The following HIVEP3 variants were observed in gnomAD, a reference collection of about 807,000 sequenced individuals.
The protein encoded by HIVEP3 is transcription factor HIVEP3.
HIVEP3 carries 49 observed loss-of-function variants against 152.8 expected under a neutral mutation model. That is an observed-to-expected ratio of 0.32 (90% CI 0.26 to 0.41). The LOEUF (loss-of-function observed/expected upper bound fraction) is 0.41. Ranked by LOEUF, HIVEP3 falls within the 10% of genes least tolerant of loss-of-function variation. The probability of loss-of-function intolerance (pLI) is 1.00; values close to 1 mark genes in which losing one functional copy is unlikely to be tolerated. For missense variants in HIVEP3, 2,790 were observed against 3,103.3 expected (o/e 0.90, Z 2.40); for synonymous variants, 1,269 against 1,289.0 (o/e 0.98, Z 0.33).
At chr1:42,032,106 G>A (rs528560691) in intron 1 of HIVEP3, among the ~76,000 whole-genome samples, 4 of 152,148 alleles carry the variant, frequency 2.6e-5, no homozygotes, top group Non-Finnish European at 5.9e-5. Flanking sequence ...TCCCCTAAAA[G>A]GACATCTCCC....
rs1030729447 is a variant in HIVEP3 at position 41,653,979 on chromosome 1, A to C, written c.-720-25032T>G. 1.3e-5 allele frequency among the ~76,000 whole-genome samples: 2 copies of C among 150,566 alleles called. 1 individual carries two copies. The highest frequency in any genetic ancestry group is 4.9e-5 in the African/African-American group (2 of 41,096). ...AAAAAAAAAAAAAAAAAAAAAAAAA[A>C]AAACCAGATTACCTTTAAAGGCCTT... On this transcript the variant is annotated intron_variant, in intron 2 of 8. Coordinates refer to ENST00000372583, the MANE Select transcript of HIVEP3 (RefSeq NM_024503.5).
chr1:41,823,810 T>C (rs1027974834), intron 1 of HIVEP3, among the ~76,000 whole-genome samples: 3 of 152,080 alleles, frequency 2.0e-5, no homozygotes, highest in Admixed American at 1.3e-4. Flanking sequence ...TCACTGGGGG[T>C]ACACACAGCT....
At chr1:41,832,441 G>A (rs1024927252) in intron 1 of HIVEP3, among the ~76,000 whole-genome samples, 3 of 152,130 alleles carry the variant, frequency 2.0e-5, no homozygotes, top group African/African-American at 7.2e-5. Context: ...TGAGGTGGGA[G>A]GATCACTTGA....
At chr1:41,668,893 TGG>T (rs901727644) in intron 2 of HIVEP3, among the ~76,000 whole-genome samples, 5 of 152,292 alleles carry the variant, frequency 3.3e-5, no homozygotes, top group African/African-American at 1.2e-4. Flanking sequence ...GGTCAATGCT[TGG>T]TACCTACTAG....
At chr1:41,752,214 CA>C (rs1298365157) in intron 1 of HIVEP3, among the ~76,000 whole-genome samples, 5 of 152,302 alleles carry the variant, frequency 3.3e-5, no homozygotes, top group African/African-American at 1.2e-4. Context: ...GACTGACTTT[CA>C]AAACCACAGG....
At chr1:41,782,620 T>TG (rs1438350346) in intron 1 of HIVEP3, among the ~76,000 whole-genome samples, 18 of 151,276 alleles carry the variant, frequency 1.2e-4, no homozygotes, top group Admixed American at 9.9e-4. Context: ...TAATCCCAGC[T>TG]ATTCGGGAGG....
chr1:41,582,816 T>TG lies in HIVEP3; in HGVS notation c.1981dup (p.His661ProfsTer26), dbSNP rs1388667734. 1 of 1,614,072 alleles carries TG rather than the reference T, an allele frequency of 6.2e-7. No homozygotes were observed. The highest frequency in any genetic ancestry group is 8.5e-7 in the Non-Finnish European group (1 of 1,180,030). ...AAGCTCTGAGCAGTAGTATTTTTTG[T>TG]GGGCTTCGTAGTTATCCCTTTTCTT... On this transcript the variant is annotated frameshift_variant, in exon 4 of 9. Coordinates refer to ENST00000372583, the MANE Select transcript of HIVEP3 (RefSeq NM_024503.5). LOFTEE classifies it high-confidence loss of function. This position sits in a 1 kb window ranked among gnomAD's most constrained non-coding sequence, Gnocchi z 4.7.
intron 1 of HIVEP3, among the ~76,000 whole-genome samples, chr1:41,857,504 G>GAA (rs111289363): frequency 2.7e-5 from 4 of 147,536 alleles, no homozygotes; most frequent in African/African-American, 9.9e-5. Context: ...ACCAAGTATA[G>GAA]AAAAAAAAAA....
At chr1:41,564,990 A>G (rs1436351612) in intron 5 of HIVEP3, among the ~76,000 whole-genome samples, 2 of 152,212 alleles carry the variant, frequency 1.3e-5, no homozygotes, top group Non-Finnish European at 2.9e-5. Flanking sequence ...CCTCAGCAAG[A>G]CAAGATGCAC....
At chr1:41,922,470 T>G (rs1042428881), upstream of HIVEP3, among the ~76,000 whole-genome samples, 4 of 152,070 alleles carry the variant, frequency 2.6e-5, no homozygotes, top group South Asian at 2.1e-4. Context: ...TAAAAAAAAT[T>G]TAAGGTTACT....
In HIVEP3 at chr1:41,510,245, ATTTGT is replaced by A. The variant is rs1333646108; in HGVS notation, c.*201_*205del. 9.9e-6 allele frequency: 4 copies of A among 405,924 alleles called. No individual in the cohort carries two copies. The highest frequency in any genetic ancestry group is 1.7e-5 in the Non-Finnish European group (4 of 232,614). 25.1% of individuals were successfully genotyped at this position (405,924 alleles called of 1,614,324 possible). On this transcript the variant is annotated 3_prime_UTR_variant, in exon 9 of 9. Transcript: ENST00000372583. ...TTTTTTTTTTAAATGTATGTATGTG[ATTTGT>A]TTTGTTTCTTTTTAAGCAACAAAAG...
At chr1:41,755,619 A>C (rs1254336562) in intron 1 of HIVEP3, among the ~76,000 whole-genome samples, 1 of 151,952 alleles carries the variant, frequency 6.6e-6, no homozygotes, top group African/African-American at 2.4e-5. Context: ...AAAAAAAAAA[A>C]AACACCCAAA....
chr1:41,599,944 T>C (rs1570064719), intron 3 of HIVEP3, among the ~76,000 whole-genome samples: 1 of 152,028 alleles, frequency 6.6e-6, no homozygotes, highest in Non-Finnish European at 1.5e-5. Context: ...GATCTACAAA[T>C]GGCCAAGAAG....
chr1:41,663,057 C>G (rs1042248780), intron 2 of HIVEP3, among the ~76,000 whole-genome samples: 85 of 152,342 alleles, frequency 5.6e-4, no homozygotes, highest in African/African-American at 1.9e-3. Context: ...GCTGCTGGAT[C>G]TCGGGATTTG....
chr1:41,735,524 G>A (rs1274688015), intron 1 of HIVEP3, among the ~76,000 whole-genome samples: 1 of 152,170 alleles, frequency 6.6e-6, no homozygotes, highest in Non-Finnish European at 1.5e-5. Flanking sequence ...GTGTCACCCA[G>A]AGCTCATTCA....
At chr1:41,910,851 T>C (rs967926216) in intron 1 of HIVEP3, among the ~76,000 whole-genome samples, 7 of 152,016 alleles carry the variant, frequency 4.6e-5, no homozygotes, top group Non-Finnish European at 8.8e-5. Context: ...TTCCTTATCC[T>C]AATAAGGAAT....
chr1:41,931,523 G>A (rs564370066), intron 1 of HIVEP3, among the ~76,000 whole-genome samples: 5 of 152,032 alleles, frequency 3.3e-5, no homozygotes, highest in African/African-American at 9.6e-5. Flanking sequence ...TCAAAATTGG[G>A]TACTGTCTGA....
rs188288637 is a variant in HIVEP3, at chr1:41,960,160, T to C, written n.120-41636A>G. ...CAGAAAGTCCACCACACTAGCCACA[T>C]TGGTTAGCCAGAAGTGCTAGCCAAG... On this transcript the variant is annotated intron_variant and non_coding_transcript_variant, in intron 1 of 3. Transcript: ENST00000489103. Among the ~76,000 whole-genome samples the C allele has an allele frequency of 1.5e-4, 23 of 152,296 alleles. 1 individual carries two copies. The South Asian group carries it at 3.3e-3, about 22-fold the overall frequency.
chr1:42,026,365 A>C (rs1009298316), intron 1 of HIVEP3, among the ~76,000 whole-genome samples: 2 of 152,202 alleles, frequency 1.3e-5, no homozygotes, highest in Admixed American at 6.5e-5. Flanking sequence ...AAATGTTCTC[A>C]GGGCAAAAAG....
Sources: allele counts gnomAD v4.1 joint callset (sites outside exome capture counted in the v4.1 genomes callset), GRCh38; gene constraint gnomAD v4.1.1; non-coding constraint Gnocchi (gnomAD v3.1); transcripts MANE v1.5; gene names NCBI Gene and HGNC (gene_info 2026-07-23, HGNC 2026-07-21).